SULT1C2: variants seen among roughly 807,000 people sequenced by gnomAD.
SULT1C2 encodes the protein sulfotransferase family 1C member 2.
Under a neutral mutation model 36.0 loss-of-function variants are expected in SULT1C2, and 27 were observed. The observed-to-expected ratio is 0.75, with a 90% CI of 0.55 to 1.03. SULT1C2 has a LOEUF of 1.03. Ranked by LOEUF, SULT1C2 falls within the 50% of genes least tolerant of loss-of-function variation. The pLI, the probability that SULT1C2 is intolerant of heterozygous loss-of-function variation, is 0.00. For missense variants in SULT1C2, 395 were observed against 359.2 expected (o/e 1.10, Z -0.80); for synonymous variants, 121 against 116.0 (o/e 1.04, Z -0.27).
At chr2:108,297,164 A>G (rs1329851449) in intron 3 of SULT1C2, among the ~76,000 whole-genome samples, 4 of 152,144 alleles carry the variant, frequency 2.6e-5, no homozygotes, top group African/African-American at 9.7e-5. Context: ...TGCTGCTCAT[A>G]AGACTTCACA....
chr2:108,300,180 C>T (rs945331062), intron 3 of SULT1C2: 4 of 152,310 alleles, frequency 2.6e-5, no homozygotes, highest in Admixed American at 1.3e-4. Context: ...AGATCGAGAC[C>T]AGCCTGACCA....
chr2:108,291,854 C>T (rs1676600840), intron 1 of SULT1C2, among the ~76,000 whole-genome samples: 2 of 152,232 alleles, frequency 1.3e-5, no homozygotes, highest in Non-Finnish European at 1.5e-5. Flanking sequence ...TGAATTTGAT[C>T]ATACCATTAT....
At chr2:108,298,069 C>A (rs1224429814) in intron 3 of SULT1C2, among the ~76,000 whole-genome samples, 1 of 152,216 alleles carries the variant, frequency 6.6e-6, no homozygotes, top group African/African-American at 2.4e-5. Flanking sequence ...AGGAAATCAA[C>A]CAGCCTGCAG....
At chr2:108,304,442 C>T in intron 4 of SULT1C2, 132 bp from the exon 5 acceptor site, 1 of 966,106 alleles carries the variant, frequency 1.0e-6, no homozygotes, top group African/African-American at 1.7e-5. Flanking sequence ...GTCACAAGGC[C>T]AAGTCGCAGG....
rs377383533 is a variant in SULT1C2, at chr2:108,305,277, G to A, written c.597+11G>A. On this transcript the variant is annotated intron_variant, in intron 6 of 7. Transcript: ENST00000251481. ...GAGGACATAAAGAGGGTGAGTGAAG[G>A]CTCTGCAGAAGAACCATTTTAAAGT... 5.6e-6 allele frequency: 9 copies of A among 1,614,070 alleles called. No homozygotes were observed. The highest frequency in any genetic ancestry group is 6.8e-6 in the Non-Finnish European group (8 of 1,179,992).
At chr2:108,303,797 C>G (rs1676949253) in intron 4 of SULT1C2, 2 of 152,190 alleles carry the variant, frequency 1.3e-5, no homozygotes, top group Non-Finnish European at 2.9e-5. Flanking sequence ...CACCACTACT[C>G]CAAGCTGTGC....
intron 1 of SULT1C2, among the ~76,000 whole-genome samples, chr2:108,291,858 C>T (rs927850052): frequency 6.6e-6 from 1 of 152,166 alleles, no homozygotes; most frequent in Non-Finnish European, 1.5e-5. Flanking sequence ...TTTGATCATA[C>T]CATTATCTCA....
chr2:108,305,190 T>C lies in SULT1C2; in HGVS notation c.521T>C (p.Phe174Ser). Residue 174 changes from phenylalanine (F) to serine (S), a missense_variant, in exon 6 of 8, where the codon TTT becomes TCT. Transcript: ENST00000251481. ...INGKVVWGSW[F>S]DHVKGWWEMK... ...ATTTCAGTGGTTTGGGGTTCCTGGT[T>C]TGACCACGTGAAAGGATGGTGGGAG... 6.2e-7 allele frequency: 1 copy of C among 1,614,202 alleles called. No homozygotes were observed. The highest frequency in any genetic ancestry group is 8.5e-7 in the Non-Finnish European group (1 of 1,180,032).
At chr2:108,302,320 G>C (rs1055815114) in intron 4 of SULT1C2, 1 of 152,282 alleles carries the variant, frequency 6.6e-6, no homozygotes, top group Non-Finnish European at 1.5e-5. Flanking sequence ...CAATGGATGG[G>C]TGGAGGAGGC....
In SULT1C2 at chr2:108,308,458, A is replaced by T. The variant is rs923718107; in HGVS notation, c.885A>T (p.Glu295Asp). Residue 295 changes from glutamate (E) to aspartate (D), a missense_variant, in exon 8 of 8, where the codon GAA becomes GAT. By Grantham distance (45) the Glu-to-Asp change is conservative. Transcript: ENST00000251481. ...MEGTSINFCM[E>D]L The stretch of plus-strand genomic sequence containing the variant: ...GAACCTCCATAAACTTCTGCATGGA[A>T]CTCTGAGCAAGATGTAAATAAAATT... 1 of 1,602,156 alleles carries T rather than the reference A, an allele frequency of 6.2e-7. No individual in the cohort carries two copies.
intron 3 of SULT1C2, chr2:108,300,257 A>C (rs147882030): frequency 6.6e-6 from 1 of 152,576 alleles, no homozygotes; most frequent in Non-Finnish European, 1.5e-5. Flanking sequence ...AAGCGCCTGT[A>C]ATCCCAGCTA....
chr2:108,289,999 G>C lies in SULT1C2; in HGVS notation c.-22+929G>C, dbSNP rs543454084. ...TGCCCTTCCACACATGTTCACAGCT[G>C]TGCCCAGGCCCTCGGTCATCAGCTA... is the stretch of plus-strand genomic sequence containing the variant. On this transcript the variant is annotated intron_variant, in intron 1 of 7. Coordinates refer to ENST00000251481, the MANE Select transcript of SULT1C2 (RefSeq NM_001056.4). Among the ~76,000 whole-genome samples the C allele has an allele frequency of 9.9e-5, 15 of 152,272 alleles. 1 individual carries two copies. The South Asian group carries it at 3.1e-3, about 32-fold the overall frequency.
intron 1 of SULT1C2, among the ~76,000 whole-genome samples, chr2:108,289,358 C>A (rs1676536651): frequency 6.6e-6 from 1 of 152,180 alleles, no homozygotes; most frequent in Non-Finnish European, 1.5e-5. Flanking sequence ...CCATCCTCCT[C>A]CAGGGCCAGC....
chr2:108,309,503 T>C lies in SULT1C2; in HGVS notation c.*1039T>C, dbSNP rs1677103372. 6.6e-6 allele frequency: 1 copy of C among 152,172 alleles called. No homozygotes were observed. The highest frequency in any genetic ancestry group is 2.1e-4 in the South Asian group (1 of 4,830). The allele number at this position is 152,172 out of a possible 1,614,324, so 9.4% of individuals were successfully genotyped here. A position where few individuals can be genotyped will look rare whatever the true frequency, so the allele number is the denominator to read the frequency against. On this transcript the variant is annotated 3_prime_UTR_variant, in exon 8 of 8. Coordinates refer to ENST00000251481, the MANE Select transcript of SULT1C2 (RefSeq NM_001056.4). ...AATTTTGAACTTTGACCCTTTTCTT[T>C]TAGTCCCAAATAGTGGCATTCCATA...
chr2:108,305,854 G>A (rs1009730585), intron 7 of SULT1C2, among the ~76,000 whole-genome samples: 16 of 152,164 alleles, frequency 1.1e-4, no homozygotes, highest in African/African-American at 3.6e-4. Context: ...ATTCACCATG[G>A]ACAATAAAGG....
intron 3 of SULT1C2, among the ~76,000 whole-genome samples, chr2:108,296,869 A>G (rs981510323): frequency 1.3e-5 from 2 of 152,162 alleles, no homozygotes; most frequent in Non-Finnish European, 2.9e-5. Context: ...CCACCCTTGG[A>G]GCATTCTGGA....
intron 1 of SULT1C2, among the ~76,000 whole-genome samples, chr2:108,290,012 C>T (rs531699418): frequency 2.0e-4 from 30 of 152,278 alleles, no homozygotes; most frequent in African/African-American, 7.2e-4. Flanking sequence ...CCCAGGCCCT[C>T]GGTCATCAGC....
chr2:108,300,376 CA>C (rs374652660), intron 3 of SULT1C2: 166 of 154,526 alleles, frequency 1.1e-3, no homozygotes, highest in Non-Finnish European at 1.7e-3. Flanking sequence ...GACTCCGTCT[CA>C]AAAAAAAAAT....
Position 108,294,268 on chromosome 2 carries a change from A to AATTGTGGATAT in SULT1C2, c.191_192insATTGTGGATAT (p.Asn65LeufsTer4). On this transcript the variant is annotated frameshift_variant, in exon 3 of 8. Coordinates refer to ENST00000251481, the MANE Select transcript of SULT1C2 (RefSeq NM_001056.4). LOFTEE classifies it high-confidence loss of function. ...CAGGAAATTGTGGATATGATTGAAC[A>AATTGTGGATAT]GAATGGGGACGTGGAGAAGTGCCAG... 6.2e-7 allele frequency: 1 copy of AATTGTGGATAT among 1,614,134 alleles called. No individual in the cohort carries two copies. The highest frequency in any genetic ancestry group is 8.5e-7 in the Non-Finnish European group (1 of 1,179,998).
Sources: gnomAD v4.1 joint callset for allele counts (sites outside exome capture counted in the v4.1 genomes callset) on GRCh38, gnomAD v4.1.1 for gene constraint, MANE v1.5 for transcripts, NCBI Gene and HGNC (gene_info 2026-07-23, HGNC 2026-07-21) for gene names.